The following ITFG2 variants were observed in gnomAD, a reference collection of about 807,000 sequenced individuals.
ITFG2 encodes the protein integrin alpha FG-GAP repeat containing 2, also known as KICSTOR complex protein ITFG2.
Under a neutral mutation model 54.4 loss-of-function variants are expected in ITFG2, and 36 were observed. That is an observed-to-expected ratio of 0.66 (90% CI 0.51 to 0.87). The LOEUF (loss-of-function observed/expected upper bound fraction) is 0.87, where lower values mean the gene tolerates loss of function less well. ITFG2 is among the 40% of genes least tolerant of loss of function. The pLI, the probability that ITFG2 is intolerant of heterozygous loss-of-function variation, is 0.00. For missense variants in ITFG2, 524 were observed against 576.7 expected, an observed-to-expected ratio of 0.91 and a Z score of 0.94; for synonymous variants, 211 against 225.4, an observed-to-expected ratio of 0.94 and a Z score of 0.57.
chr12:2,817,741 C>G, intron 2 of ITFG2, 168 bp from the exon 3 acceptor site: 1 of 625,114 alleles, frequency 1.6e-6, no homozygotes, highest in Admixed American at 3.2e-5. Flanking sequence ...TAAACCAAAC[C>G]TACAGCACAG....
At chr12:2,855,112 T>C in intron 2 of ITFG2, 1 of 1,533,054 alleles carries the variant, frequency 6.5e-7, no homozygotes, top group East Asian at 2.5e-5. Context: ...GATGGGGTGC[T>C]CCGTGGGGGG....
At chr12:2,853,755 GAC>G (rs1398712720) in intron 2 of ITFG2, among the ~76,000 whole-genome samples, 1 of 152,072 alleles carries the variant, frequency 6.6e-6, no homozygotes, top group East Asian at 1.9e-4. Context: ...GCCTGGGCTG[GAC>G]ACAGTTGGGA....
intron 2 of ITFG2, among the ~76,000 whole-genome samples, chr12:2,856,565 G>GT (rs1483484984): frequency 5.3e-5 from 8 of 152,156 alleles, no homozygotes; most frequent in Non-Finnish European, 1.2e-4. Flanking sequence ...GTTTCATCAT[G>GT]TTGGCCAAGC....
At chr12:2,858,593 G>A (rs1364852054) in intron 3 of ITFG2, 1 of 1,557,990 alleles carries the variant, frequency 6.4e-7, no homozygotes, top group Non-Finnish European at 8.7e-7. Flanking sequence ...GCCTTGGAGT[G>A]CCCGGGATGG....
At chr12:2,857,082 C>T in intron 2 of ITFG2, 1 of 702,732 alleles carries the variant, frequency 1.4e-6, no homozygotes, top group Non-Finnish European at 2.6e-6. Context: ...CTTTCTGGCA[C>T]CATTGTTTAC....
rs746632259 is a variant in ITFG2, at chr12:2,812,677, G to A, written c.-84G>A. ...AGTGACGTAACTTGCTGCCTTAGGT[G>A]GCCTTCCGCTCTGGCGGCTGTCGCG... On this transcript the variant is annotated 5_prime_UTR_variant, in exon 1 of 12. Coordinates refer to ENST00000228799, the MANE Select transcript of ITFG2 (RefSeq NM_018463.4). The A allele has an allele frequency of 9.1e-7, 1 of 1,102,022 alleles. No homozygotes were observed. The highest frequency in any genetic ancestry group is 2.4e-5 in the East Asian group (1 of 41,644). 68.3% of individuals were successfully genotyped at this position (1,102,022 alleles called of 1,614,324 possible).
Position 2,820,142 on chromosome 12 carries a change from T to C in ITFG2, c.463T>C (p.Phe155Leu). ...VGYTDRVVRAFRWEELGEGPE... is the reference protein window; with the variant it reads ...VGYTDRVVRALRWEELGEGPE... The stretch of plus-strand genomic sequence containing the variant: ...CTACACAGACCGTGTGGTGCGAGCT[T>C]TCCGCTGGGAGGAGCTAGGTGAGGG... Residue 155 changes from phenylalanine (F) to leucine (L), a missense_variant, in exon 5 of 12, where the codon TTC (phenylalanine) becomes CTC (leucine). Transcript: ENST00000228799. 1.9e-6 allele frequency: 3 copies of C among 1,613,970 alleles called. No individual in the cohort carries two copies. The highest frequency in any genetic ancestry group is 2.5e-6 in the Non-Finnish European group (3 of 1,179,934).
At chr12:2,830,515 G>C in intron 2 of ITFG2, 1 of 538,714 alleles carries the variant, frequency 1.9e-6, no homozygotes, top group Non-Finnish European at 3.3e-6. Flanking sequence ...GGTGACAGAT[G>C]GAGTTGCACC....
At position 2,818,158 on chromosome 12, in the gene ITFG2, C is replaced by G; in HGVS notation, c.287C>G (p.Thr96Arg). The change falls in exon 4 of 12, where the codon ACA becomes AGA. Residue 96 changes from threonine to arginine, a missense_variant. Thr to Arg is a moderately conservative substitution (Grantham distance 71). Coordinates refer to ENST00000228799, the MANE Select transcript of ITFG2 (RefSeq NM_018463.4). ...GGCTGGTTTCATTTGTTTGACCTGA[C>G]ACCTGCCAAGGTGTTGGATGCTTCT... Reference protein sequence around the residue: ...AEGWFHLFDLTPAKVLDASGH... With the variant: ...AEGWFHLFDLRPAKVLDASGH... The G allele has an allele frequency of 6.2e-7, 1 of 1,614,208 alleles. No individual in the cohort carries two copies. Among genetic ancestry groups the G allele is most frequent in the Non-Finnish European group, 8.5e-7 (1 of 1,180,048 alleles).
chr12:2,815,225 A>G (rs2097918783), intron 1 of ITFG2, among the ~76,000 whole-genome samples: 1 of 152,230 alleles, frequency 6.6e-6, no homozygotes, highest in African/African-American at 2.4e-5. Context: ...TGCCTTTAGA[A>G]CTAAATTTCT....
At chr12:2,828,931 G>A (rs1264933138), downstream of ITFG2, among the ~76,000 whole-genome samples, 2 of 152,096 alleles carry the variant, frequency 1.3e-5, no homozygotes, top group African/African-American at 2.4e-5. Context: ...AGTGGACCAG[G>A]TGCGGTGGCT....
chr12:2,834,088 G>A (rs562492042), upstream of ITFG2, among the ~76,000 whole-genome samples: 4 of 152,336 alleles, frequency 2.6e-5, no homozygotes, highest in African/African-American at 9.6e-5. Flanking sequence ...GAGGAGCCTG[G>A]AAGGTCCATT....
In ITFG2 at chr12:2,820,888, C is replaced by T. The variant is rs1603483063; in HGVS notation, c.695+16C>T. 1.7e-5 allele frequency: 27 copies of T among 1,613,068 alleles called. No homozygotes were observed. Among genetic ancestry groups the T allele is most frequent in the Non-Finnish European group, 2.0e-5 (24 of 1,179,334 alleles). On this transcript the variant is annotated intron_variant, in intron 6 of 11. Coordinates refer to ENST00000228799, the MANE Select transcript of ITFG2 (RefSeq NM_018463.4). ...ATGGTAGTAGGTAAGGGGGTACAGG[C>T]CAGTGGATGGTGTGGGGGTGCATGG...
In ITFG2 at chr12:2,845,432, C is replaced by G. The variant is rs964240139; in HGVS notation, n.300+4437C>G. 6.6e-6 allele frequency among the ~76,000 whole-genome samples: 1 copy of G among 152,172 alleles called. No homozygotes were observed. The highest frequency in any genetic ancestry group is 2.4e-5 in the African/African-American group (1 of 41,442). On this transcript the variant is annotated intron_variant and non_coding_transcript_variant, in intron 2 of 3. Transcript: ENST00000537710. The surrounding 1 kb of genome is among the most constrained non-coding windows in gnomAD (Gnocchi z 4.2). ...CCCACAGCTTCCCGACTCCCTGGCC[C>G]CAGCCATTCCTCAAGCTCCCAGCAG...
intron 4 of ITFG2, among the ~76,000 whole-genome samples, chr12:2,819,419 A>T (rs6489403): frequency 2.0e-5 from 3 of 152,002 alleles, no homozygotes; most frequent in African/African-American, 7.2e-5. Flanking sequence ...AGTAAGCCGA[A>T]ATCGCGCCAC....
At chr12:2,856,769 G>A (rs2098088650) in intron 2 of ITFG2, among the ~76,000 whole-genome samples, 1 of 152,198 alleles carries the variant, frequency 6.6e-6, no homozygotes, top group Admixed American at 6.5e-5. Flanking sequence ...TGTGGCACTA[G>A]CCAGGCATCT....
At chr12:2,827,431 T>TAGAC, downstream of ITFG2, 1 of 1,524,130 alleles carries the variant, frequency 6.6e-7, no homozygotes, top group Non-Finnish European at 8.7e-7. The surrounding 1 kb of genome is among the most constrained non-coding windows in gnomAD (Gnocchi z 4.0). Flanking sequence ...CCCATTTCCC[T>TAGAC]AGACTCCTGT....
intron 2 of ITFG2, among the ~76,000 whole-genome samples, chr12:2,850,015 G>T (rs2098065026): frequency 6.6e-6 from 1 of 152,292 alleles, no homozygotes; most frequent in East Asian, 1.9e-4. Context: ...TTTGCCCCTG[G>T]TTCGGCAGAT....
upstream of ITFG2, chr12:2,834,767 G>A: frequency 6.2e-7 from 1 of 1,613,940 alleles, no homozygotes; most frequent in Non-Finnish European, 8.5e-7. Context: ...CGGTCTCGAA[G>A]CTGTGCCTCC....
Sources: allele counts gnomAD v4.1 joint callset (sites outside exome capture counted in the v4.1 genomes callset), GRCh38; gene constraint gnomAD v4.1.1; non-coding constraint Gnocchi (gnomAD v3.1); transcripts MANE v1.5; gene names NCBI Gene and HGNC (gene_info 2026-07-23, HGNC 2026-07-21).